The following FUBP3 variants were observed in gnomAD, a reference collection of about 807,000 sequenced individuals.
FUBP3 encodes far upstream element-binding protein 3.
A neutral mutation model predicts 85.6 loss-of-function variants in FUBP3; 28 were observed. That is an observed-to-expected ratio of 0.33 (90% CI 0.24 to 0.45). The LOEUF (loss-of-function observed/expected upper bound fraction) is 0.45. Among genes scored for constraint, FUBP3 ranks in the 20% least tolerant of loss-of-function variants. FUBP3 has a pLI of 1.00. For synonymous variants in FUBP3, 271 were observed against 271.4 expected, an observed-to-expected ratio of 1.00 and a Z score of 0.01; for missense variants, 583 against 755.1, an observed-to-expected ratio of 0.77 and a Z score of 2.67.
At chr9:130,622,945 A>G (rs957651784) in intron 10 of FUBP3, 135 bp downstream of exon 10, 5 of 445,194 alleles carry the variant, frequency 1.1e-5, no homozygotes, top group African/African-American at 1.0e-4. Flanking sequence ...CATCCTTGCA[A>G]CATCCTGCTA....
Position 130,579,634 on chromosome 9 carries a change from C to T in FUBP3, c.-47C>T, listed in dbSNP as rs748468873. On this transcript the variant is annotated 5_prime_UTR_variant, in exon 1 of 19. Coordinates refer to ENST00000319725, the MANE Select transcript of FUBP3 (RefSeq NM_003934.2). ...GAGGCCGGACCGGGGAGCCGAGCGGCGGCGTCGGCGGCGTCGGCGGCGGCG... is the reference window on the plus strand; with the variant it reads ...GAGGCCGGACCGGGGAGCCGAGCGGTGGCGTCGGCGGCGTCGGCGGCGGCG... 1.7e-4 allele frequency: 193 copies of T among 1,106,094 alleles called. No individual in the cohort carries two copies. The highest frequency in any genetic ancestry group is 2.1e-4 in the Non-Finnish European group (183 of 872,916). 68.5% of individuals were successfully genotyped at this position (1,106,094 alleles called of 1,614,324 possible). A position where few individuals can be genotyped will look rare whatever the true frequency, so the allele number is the denominator to read the frequency against.
intron 12 of FUBP3, among the ~76,000 whole-genome samples, chr9:130,627,223 G>C (rs1704561302): frequency 6.6e-6 from 1 of 152,224 alleles, no homozygotes; most frequent in Non-Finnish European, 1.5e-5. Context: ...CGAGGCTGTG[G>C]GGCCTTCCCA....
Position 130,579,594 on chromosome 9 carries a change from C to G in FUBP3, c.-87C>G. ...CGACTTTCCTTTTCCGGCTACGGGT[C>G]CCCAAGCGGAGCGGGAGGCCGGACC... On this transcript the variant is annotated 5_prime_UTR_variant, in exon 1 of 19. Coordinates refer to ENST00000319725, the MANE Select transcript of FUBP3 (RefSeq NM_003934.2). 2 of 823,256 alleles carry G rather than the reference C, an allele frequency of 2.4e-6. No homozygotes were observed. The highest frequency in any genetic ancestry group is 6.1e-5 in the South Asian group (1 of 16,420). 51.0% of individuals were successfully genotyped at this position (823,256 alleles called of 1,614,324 possible).
At chr9:130,631,741 G>T in intron 14 of FUBP3, 111 bp downstream of exon 14, 1 of 930,746 alleles carries the variant, frequency 1.1e-6, no homozygotes, top group South Asian at 1.4e-5. Context: ...AGTTCTGGGC[G>T]TGGGCAGGAC....
intron 1 of FUBP3, among the ~76,000 whole-genome samples, chr9:130,588,577 T>C (rs952679693): frequency 6.6e-6 from 1 of 152,194 alleles, no homozygotes; most frequent in Non-Finnish European, 1.5e-5. Flanking sequence ...CCCGGCATTG[T>C]TTCTAGTGCT....
At chr9:130,589,673 G>GTATATATATATATATA (rs1291689029) in intron 1 of FUBP3, among the ~76,000 whole-genome samples, 22 of 28,330 alleles carry the variant, frequency 7.8e-4, no homozygotes, top group East Asian at 5.7e-3. Context: ...ATGTATGTGT[G>GTATATATATATATATA]TGTATATATA....
intron 1 of FUBP3, among the ~76,000 whole-genome samples, chr9:130,594,959 G>C (rs559589449): frequency 7.5e-4 from 113 of 151,220 alleles, no homozygotes; most frequent in Non-Finnish European, 1.4e-3. Context: ...GGGCGCAGTG[G>C]CTCACGCCTA....
At chr9:130,626,222 C>A in intron 11 of FUBP3, 142 bp from the exon 12 acceptor site, 2 of 836,484 alleles carry the variant, frequency 2.4e-6, no homozygotes, top group Non-Finnish European at 3.6e-6. Context: ...AAGAGCCCTT[C>A]AGAATGGGAA....
rs1171693284 is a variant in FUBP3, at chr9:130,612,816, TG to T, written c.275-138del. The T allele has an allele frequency of 1.5e-6, 1 of 654,632 alleles. No homozygotes were observed. Among genetic ancestry groups the T allele is most frequent in the Non-Finnish European group, 2.7e-6 (1 of 367,546 alleles). 40.6% of individuals were successfully genotyped at this position (654,632 alleles called of 1,614,324 possible). A position where few individuals can be genotyped will look rare whatever the true frequency, so the allele number is the denominator to read the frequency against. On this transcript the variant is annotated intron_variant, in intron 4 of 18. Transcript: ENST00000319725. The surrounding 1 kb of genome is among the most constrained non-coding windows in gnomAD (Gnocchi z 4.1). ...TTCTGCTGCCATCATGCCCAAAGAG[TG>T]GAGATGGGCTCACGGGGGCCAACTC...
At chr9:130,614,757 T>A (rs138416046) in intron 6 of FUBP3, among the ~76,000 whole-genome samples, 5 of 152,306 alleles carry the variant, frequency 3.3e-5, no homozygotes, top group African/African-American at 9.6e-5. Flanking sequence ...CCGTTACCCT[T>A]CTGATATTTG....
Position 130,617,837 on chromosome 9 carries a change from C to T in FUBP3, c.608C>T (p.Pro203Leu). The T allele has an allele frequency of 1.2e-6, 2 of 1,610,006 alleles. No individual in the cohort carries two copies. The highest frequency in any genetic ancestry group is 1.7e-6 in the Non-Finnish European group (2 of 1,176,316). The change falls in exon 8 of 19, where the codon CCA becomes CTA. Residue 203 changes from proline to leucine, a missense_variant. Physicochemically the swap from Pro to Leu is moderately conservative, Grantham distance 98. Around this residue, in one of 3 missense-constraint regions of FUBP3, gnomAD observed 404 missense variants for 516.8 expected, o/e 0.78. Transcript: ENST00000319725. Reference sequence around the variant, plus strand: ...AAGATGGTCATGATCCAGGATGGCCCATTGCCCACGGGAGCAGACAAGCCT... The same window carrying T: ...AAGATGGTCATGATCCAGGATGGCCTATTGCCCACGGGAGCAGACAAGCCT... The part of the protein sequence containing the change: ...GVKMVMIQDG[P>L]LPTGADKPLR...
chr9:130,636,281 C>A, intron 18 of FUBP3, 155 bp downstream of exon 18: 1 of 773,102 alleles, frequency 1.3e-6, no homozygotes, highest in Admixed American at 2.0e-5. Context: ...GCTGAGAGCC[C>A]GGCTCCAGCC....
intron 6 of FUBP3, among the ~76,000 whole-genome samples, chr9:130,615,215 C>G (rs1831940744): frequency 6.6e-6 from 1 of 152,224 alleles, no homozygotes; most frequent in Non-Finnish European, 1.5e-5. Flanking sequence ...AAGCATTTTT[C>G]TTCCAACACA....
At chr9:130,581,585 A>G (rs1224484863) in intron 1 of FUBP3, 1 of 152,238 alleles carries the variant, frequency 6.6e-6, no homozygotes, top group Non-Finnish European at 1.5e-5. Flanking sequence ...GAAATCTGTA[A>G]TACTGTATGC....
At chr9:130,631,044 C>A in intron 13 of FUBP3, 1 of 814,856 alleles carries the variant, frequency 1.2e-6, no homozygotes, top group Non-Finnish European at 1.6e-6. Flanking sequence ...GAGCCGTTCC[C>A]CTGCGGGCTT....
intron 2 of FUBP3, among the ~76,000 whole-genome samples, chr9:130,597,742 A>G (rs1461008600): frequency 1.3e-5 from 2 of 152,224 alleles, no homozygotes; most frequent in Non-Finnish European, 1.5e-5. Context: ...GAAAAAAACA[A>G]TATGTGTAAT....
At chr9:130,598,199 T>G (rs1830963483) in intron 2 of FUBP3, among the ~76,000 whole-genome samples, 1 of 152,206 alleles carries the variant, frequency 6.6e-6, no homozygotes, top group African/African-American at 2.4e-5. Flanking sequence ...TTCTTTCAAA[T>G]GTATGTGCAA....
At position 130,637,099 on chromosome 9, in the gene FUBP3, T is replaced by G. The variant is rs1360474936; in HGVS notation, c.*77T>G. On this transcript the variant is annotated 3_prime_UTR_variant, in exon 19 of 19. Transcript: ENST00000319725. ...CTATTTGTAACAGAGGTTTTTACAT[T>G]TGCAAACCTTTTGATGAAGAACTGT... 2 of 1,143,188 alleles carry G rather than the reference T, an allele frequency of 1.7e-6. No homozygotes were observed. The highest frequency in any genetic ancestry group is 3.0e-5 in the African/African-American group (2 of 66,016). The allele number at this position is 1,143,188 out of a possible 1,614,324, so 70.8% of individuals were successfully genotyped here.
intron 1 of FUBP3, chr9:130,581,410 C>T (rs1475893405): frequency 6.6e-6 from 1 of 152,160 alleles, no homozygotes; most frequent in Non-Finnish European, 1.5e-5. Context: ...GTAATAAGCC[C>T]AATGGAGACA....
Sources: allele counts gnomAD v4.1 joint callset (sites outside exome capture counted in the v4.1 genomes callset), GRCh38; gene constraint gnomAD v4.1.1; regional missense constraint gnomAD v4.1.1; non-coding constraint Gnocchi (gnomAD v3.1); transcripts MANE v1.5; gene names NCBI Gene and HGNC (gene_info 2026-07-23, HGNC 2026-07-21).